Variants in MACF1 observed in about 807,000 individuals in gnomAD.
The protein encoded by MACF1 is microtubule actin crosslinking factor 1.
In MACF1, 193 loss-of-function variants were observed where a neutral mutation model predicts 854.8. That is an observed-to-expected ratio of 0.23 (90% CI 0.20 to 0.25). The LOEUF (loss-of-function observed/expected upper bound fraction) is 0.25. Ranked by LOEUF, MACF1 falls within the 10% of genes least tolerant of loss-of-function variation. The probability of loss-of-function intolerance (pLI) is 1.00; values close to 1 mark genes in which losing one functional copy is unlikely to be tolerated. For synonymous variants in MACF1, 3,185 were observed against 3,226.7 expected (o/e 0.99, Z 0.44); for missense variants, 7,722 against 8,929.1 (o/e 0.86, Z 5.45).
intron 2 of MACF1, among the ~76,000 whole-genome samples, chr1:39,087,535 CCTT>C (rs1641703323): frequency 6.6e-6 from 1 of 152,252 alleles, no homozygotes; most frequent in African/African-American, 2.4e-5. Context: ...ATTTGTTTCT[CCTT>C]CTTCTTTGCC....
intron 41 of MACF1, 90 bp downstream of exon 41, chr1:39,347,300 G>C: frequency 1.0e-6 from 1 of 975,444 alleles, no homozygotes; most frequent in African/African-American, 1.6e-5. Context: ...TATCATGATT[G>C]CAGGAGCCTG....
chr1:39,367,902 G>A (rs988688173), intron 49 of MACF1, among the ~76,000 whole-genome samples: 6 of 151,508 alleles, frequency 4.0e-5, no homozygotes, highest in East Asian at 3.9e-4. Context: ...CCCAGGAGGC[G>A]GAAGTTGCAG....
At chr1:39,121,115 T>G (rs1363325336) in intron 2 of MACF1, 1 of 152,074 alleles carries the variant, frequency 6.6e-6, no homozygotes, top group Non-Finnish European at 1.5e-5. Context: ...CCTAGAAGAG[T>G]TTCTGGTATA....
intron 2 of MACF1, among the ~76,000 whole-genome samples, chr1:39,239,287 A>G (rs1644894594): frequency 4.2e-5 from 1 of 23,994 alleles, no homozygotes. Flanking sequence ...TCTCAAAAAA[A>G]CAAACAAACA....
chr1:39,363,369 T>G (rs1648373008), intron 49 of MACF1, among the ~76,000 whole-genome samples: 1 of 152,190 alleles, frequency 6.6e-6, no homozygotes, highest in African/African-American at 2.4e-5. Flanking sequence ...TAGTAACACA[T>G]TTCAGGTTTA....
intron 2 of MACF1, among the ~76,000 whole-genome samples, chr1:39,162,345 T>A (rs1460345449): frequency 6.6e-6 from 1 of 152,186 alleles, no homozygotes; most frequent in East Asian, 1.9e-4. Context: ...AAAAAAGAAG[T>A]ATACCCCAAC....
intron 26 of MACF1, among the ~76,000 whole-genome samples, chr1:39,312,523 A>C (rs561345400): frequency 2.3e-4 from 35 of 152,298 alleles, no homozygotes; most frequent in Non-Finnish European, 4.3e-4. Context: ...GATAAACATC[A>C]GGAAATTAAC....
Position 39,331,909 on chromosome 1 carries a change from G to T in MACF1, c.5321G>T (p.Gly1774Val). The T allele has an allele frequency of 6.2e-7, 1 of 1,614,150 alleles. No individual in the cohort carries two copies. The highest frequency in any genetic ancestry group is 8.5e-7 in the Non-Finnish European group (1 of 1,180,018). Reference protein sequence around the residue: ...RLLEAQLFAGGIVDPRTGHRL... With the variant: ...RLLEAQLFAGVIVDPRTGHRL... ...CTGGAAGCTCAGCTTTTTGCTGGTG[G>T]CATAGTAGATCCAAGAACAGGACAC... is the stretch of plus-strand genomic sequence containing the variant. Residue 1774 changes from glycine to valine, a missense_variant, in exon 37 of 101, where the codon GGC becomes GTC. Physicochemically the swap from Gly to Val is moderately radical, Grantham distance 109. Around this residue, in one of 15 missense-constraint regions of MACF1, gnomAD observed 1,531 missense variants for 1,601.6 expected, o/e 0.96. Coordinates refer to ENST00000564288, the MANE Select transcript of MACF1 (RefSeq NM_001394062.1).
At chr1:39,385,973 A>T in intron 57 of MACF1, 44 bp downstream of exon 57, 1 of 1,551,264 alleles carries the variant, frequency 6.4e-7, no homozygotes, top group Non-Finnish European at 8.7e-7. Context: ...ATTAGAGGCA[A>T]GCAGAAAGAA....
chr1:39,348,481 G>A (rs1255622441), intron 41 of MACF1, among the ~76,000 whole-genome samples: 1 of 152,190 alleles, frequency 6.6e-6, no homozygotes, highest in Admixed American at 6.5e-5. Flanking sequence ...GTGTGTGTAT[G>A]TCTCTGTGTT....
At chr1:39,437,503 C>T (rs1243283181) in intron 70 of MACF1, among the ~76,000 whole-genome samples, 6 of 151,544 alleles carry the variant, frequency 4.0e-5, no homozygotes, top group Non-Finnish European at 7.4e-5. Context: ...GTAGGGACGG[C>T]GTTTCACCAT....
intron 58 of MACF1, among the ~76,000 whole-genome samples, chr1:39,408,967 T>TCCTC (rs1642847034): frequency 6.6e-6 from 1 of 151,662 alleles, no homozygotes; most frequent in Non-Finnish European, 1.5e-5. Context: ...TCGTCCTCCT[T>TCCTC]CCTGTGCTCT....
At chr1:39,093,419 G>A (rs1206091698) in intron 2 of MACF1, among the ~76,000 whole-genome samples, 1 of 146,888 alleles carries the variant, frequency 6.8e-6, no homozygotes, top group East Asian at 2.1e-4. Context: ...GGGTTCAAGG[G>A]ATTCTCCTGC....
chr1:39,099,377 G>C (rs1433118533), intron 2 of MACF1, among the ~76,000 whole-genome samples: 2 of 152,224 alleles, frequency 1.3e-5, no homozygotes, highest in Admixed American at 6.5e-5. Flanking sequence ...GGCTGGCCTC[G>C]AACTCCTGAC....
Position 39,331,990 on chromosome 1 carries a change from G to C in MACF1, c.5402G>C (p.Cys1801Ser). The C allele has an allele frequency of 1.2e-6, 2 of 1,614,038 alleles. No individual in the cohort carries two copies. The highest frequency in any genetic ancestry group is 2.2e-5 in the South Asian group (2 of 91,066). The change falls in exon 37 of 101, where the codon TGT becomes TCT. Residue 1801 changes from cysteine to serine, a missense_variant. This residue lies in a region of MACF1 where 1,531 missense variants were observed against 1,601.6 expected (regional missense o/e 0.96). Transcript: ENST00000564288. ...RHNLIDQDMA[C>S]AILIRQLQTG... ...AATCTGATTGACCAAGATATGGCCT[G>C]TGCTATCCTCATAAGGCAGCTTCAG...
intron 58 of MACF1, among the ~76,000 whole-genome samples, chr1:39,394,107 A>G (rs1037135757): frequency 6.6e-6 from 1 of 152,156 alleles, no homozygotes; most frequent in Non-Finnish European, 1.5e-5. Flanking sequence ...AGGCTTCCTT[A>G]GGATTATTTT....
intron 2 of MACF1, among the ~76,000 whole-genome samples, chr1:39,240,812 A>G (rs1644913249): frequency 6.6e-6 from 1 of 152,124 alleles, no homozygotes; most frequent in Admixed American, 6.6e-5. Flanking sequence ...GGATTTTAGA[A>G]TCATCCACAT....
chr1:39,119,085 A>G (rs1294360578), intron 2 of MACF1, among the ~76,000 whole-genome samples: 1 of 152,130 alleles, frequency 6.6e-6, no homozygotes, highest in African/African-American at 2.4e-5. Context: ...TTGGGAGGCC[A>G]AGGCGGGCAG....
At chr1:39,199,084 C>T (rs1644358057) in intron 2 of MACF1, among the ~76,000 whole-genome samples, 2 of 151,862 alleles carry the variant, frequency 1.3e-5, no homozygotes, top group Admixed American at 1.3e-4. Context: ...CTACCAGGTT[C>T]ACACCATTCT....
Sources: allele counts gnomAD v4.1 joint callset (sites outside exome capture counted in the v4.1 genomes callset), GRCh38; gene constraint gnomAD v4.1.1; regional missense constraint gnomAD v4.1.1; transcripts MANE v1.5; gene names NCBI Gene and HGNC (gene_info 2026-07-23, HGNC 2026-07-21).